Variants in COPG2 observed in about 807,000 individuals in gnomAD.
The protein encoded by COPG2 is coat protein complex I subunit gamma 2.
COPG2 carries 37 observed loss-of-function variants against 46.3 expected under a neutral mutation model. The ratio of observed to expected loss-of-function variants is 0.80; its 90% CI spans 0.61 to 1.05. The LOEUF (loss-of-function observed/expected upper bound fraction) is 1.05, where lower values mean the gene tolerates loss of function less well. Ranked by LOEUF, COPG2 falls within the 50% of genes least tolerant of loss-of-function variation. The pLI is 0.00. For synonymous variants in COPG2, 159 were observed against 129.7 expected (o/e 1.23, Z -1.53); for missense variants, 427 against 387.8 (o/e 1.10, Z -0.85).
chr7:130,660,337 A>G (rs1172288449), intron 4 of COPG2, among the ~76,000 whole-genome samples: 1 of 152,128 alleles, frequency 6.6e-6, no homozygotes, highest in Non-Finnish European at 1.5e-5. Context: ...GCGCCATTAT[A>G]TTCTCTGACA....
At chr7:130,559,439 A>G (rs1009066288) in intron 12 of COPG2, among the ~76,000 whole-genome samples, 110 of 152,132 alleles carry the variant, frequency 7.2e-4, no homozygotes, top group Non-Finnish European at 9.4e-4. Context: ...GCCCTCTAGT[A>G]CCCACAAACA....
At chr7:130,530,664 G>C (rs978261305) in intron 20 of COPG2, among the ~76,000 whole-genome samples, 2 of 152,114 alleles carry the variant, frequency 1.3e-5, no homozygotes, top group Non-Finnish European at 2.9e-5. Flanking sequence ...CCTGGCCAAG[G>C]AAGCAAGGAG....
At chr7:130,646,158 T>A (rs1226957187) in intron 5 of COPG2, among the ~76,000 whole-genome samples, 1 of 152,248 alleles carries the variant, frequency 6.6e-6, no homozygotes. Flanking sequence ...ATTAAATAGT[T>A]TGCTCAACTT....
chr7:130,653,753 G>A (rs1308092449), intron 4 of COPG2, among the ~76,000 whole-genome samples: 2 of 151,972 alleles, frequency 1.3e-5, no homozygotes, highest in East Asian at 3.8e-4. Flanking sequence ...TACATCAGAC[G>A]CAGCTCCAGA....
Position 130,523,157 on chromosome 7 carries a change from G to A in COPG2, c.2150-14498C>T, listed in dbSNP as rs1030921161. Among the ~76,000 whole-genome samples the A allele has an allele frequency of 5.0e-5, 7 of 141,158 alleles. No individual in the cohort carries two copies. In the East Asian group the frequency reaches 1.5e-3, roughly 30 times the overall value. The allele number at this position is 141,158 out of a possible 152,430, so 92.6% of individuals were successfully genotyped here. On this transcript the variant is annotated intron_variant, in intron 20 of 23. Transcript: ENST00000425248. ...AAAGAAGGCTCCAGGCCTCAAACGG[G>A]AGACTGAAGTGCAGGGAGTCCAGGT... is the stretch of plus-strand genomic sequence containing the variant.
chr7:130,618,319 T>C (rs1794984384), intron 5 of COPG2, among the ~76,000 whole-genome samples: 1 of 152,050 alleles, frequency 6.6e-6, no homozygotes, highest in Admixed American at 6.6e-5. Flanking sequence ...GGACTATGAA[T>C]TTTCCTCTGA....
intron 9 of COPG2, among the ~76,000 whole-genome samples, chr7:130,575,336 T>C (rs376347491): frequency 2.0e-5 from 3 of 152,152 alleles, no homozygotes; most frequent in Non-Finnish European, 4.4e-5. Flanking sequence ...GGAAAACTTA[T>C]CAGATTAACA....
chr7:130,529,372 C>G (rs1799803247), intron 20 of COPG2, among the ~76,000 whole-genome samples: 1 of 152,058 alleles, frequency 6.6e-6, no homozygotes, highest in Non-Finnish European at 1.5e-5. Flanking sequence ...ACAGAAACTG[C>G]TCTAAAGTCC....
rs1314596183 is a variant in COPG2, at chr7:130,513,303, AAAAAAATATATATATATAT to A, written c.2150-4663_2150-4645del. Among the ~76,000 whole-genome samples the A allele has an allele frequency of 8.6e-4, 40 of 46,734 alleles. 1 individual carries two copies. The highest frequency in any genetic ancestry group is 3.4e-3 in the African/African-American group (39 of 11,400). The allele number at this position is 46,734 out of a possible 152,430, so 30.7% of individuals were successfully genotyped here. A position where few individuals can be genotyped will look rare whatever the true frequency, so the allele number is the denominator to read the frequency against. On this transcript the variant is annotated intron_variant, in intron 20 of 23. Transcript: ENST00000425248. ...AATAATTCTGTCTAAAAAAAAAAAA[AAAAAAATATATATATATAT>A]ATATATATATATATATATATGTGTG...
chr7:130,576,427 G>T (rs894760715), intron 9 of COPG2, among the ~76,000 whole-genome samples: 1 of 152,082 alleles, frequency 6.6e-6, no homozygotes, highest in Non-Finnish European at 1.5e-5. Flanking sequence ...CTTCAAAACC[G>T]TGCAAATACA....
intron 9 of COPG2, among the ~76,000 whole-genome samples, chr7:130,567,012 G>A (rs1304329631): frequency 1.3e-5 from 2 of 152,150 alleles, no homozygotes; most frequent in Non-Finnish European, 2.9e-5. Flanking sequence ...AACAACAGTG[G>A]ACTGGATGAA....
At position 130,575,244 on chromosome 7, in the gene COPG2, C is replaced by G. The variant is rs566003880; in HGVS notation, c.738-10851G>C. On this transcript the variant is annotated intron_variant, in intron 9 of 23. Coordinates refer to ENST00000425248, the MANE Select transcript of COPG2 (RefSeq NM_012133.6). ...TTGCAAAAGGATCATCACTTAGGCA[C>G]ACTGTCATCAGGTTACCTAAAGTTA... Among the ~76,000 whole-genome samples the G allele has an allele frequency of 3.9e-5, 6 of 152,264 alleles. No individual in the cohort carries two copies. The South Asian group carries it at 1.0e-3, about 26-fold the overall frequency.
chr7:130,572,090 G>C (rs1344066285), intron 9 of COPG2, among the ~76,000 whole-genome samples: 2 of 152,002 alleles, frequency 1.3e-5, no homozygotes, highest in Admixed American at 6.6e-5. Flanking sequence ...GGGGACTTGG[G>C]GGGAAGAGAG....
chr7:130,620,401 A>G (rs1429697945), intron 5 of COPG2, among the ~76,000 whole-genome samples: 3 of 152,184 alleles, frequency 2.0e-5, no homozygotes, highest in Non-Finnish European at 4.4e-5. Flanking sequence ...GCTGTAACAT[A>G]AAAACAGCCA....
At chr7:130,528,000 G>A (rs1326371821) in intron 20 of COPG2, among the ~76,000 whole-genome samples, 1 of 152,058 alleles carries the variant, frequency 6.6e-6, no homozygotes, top group Non-Finnish European at 1.5e-5. Flanking sequence ...CTGTTGTCAC[G>A]GGGAGGAAAG....
intron 10 of COPG2, 25 bp downstream of exon 10, chr7:130,564,235 G>C: frequency 2.5e-6 from 1 of 398,488 alleles, no homozygotes; most frequent in Non-Finnish European, 4.4e-6. Context: ...GAACATAAAA[G>C]CCAGCCATCA....
chr7:130,525,006 G>C (rs1167753214), intron 20 of COPG2, among the ~76,000 whole-genome samples: 2 of 152,186 alleles, frequency 1.3e-5, no homozygotes, highest in African/African-American at 4.8e-5. Context: ...TGAAGACGAA[G>C]TGGAGGGTGT....
At position 130,663,464 on chromosome 7, in the gene COPG2, A is replaced by C. The variant is rs144739444; in HGVS notation, c.172-426T>G. On this transcript the variant is annotated intron_variant, in intron 3 of 23. Coordinates refer to ENST00000425248, the MANE Select transcript of COPG2 (RefSeq NM_012133.6). ...TGTCATGGGAGCATAATAAATATTAAAATATAAGGAACTATCTATTCAGAA... is the reference window on the plus strand; with the variant it reads ...TGTCATGGGAGCATAATAAATATTACAATATAAGGAACTATCTATTCAGAA... Among the ~76,000 whole-genome samples the C allele has an allele frequency of 1.9e-4, 29 of 152,280 alleles. No individual in the cohort carries two copies. In the East Asian group the frequency reaches 5.4e-3, roughly 28 times the overall value.
chr7:130,575,539 GACT>G (rs1276367180), intron 9 of COPG2, among the ~76,000 whole-genome samples: 1 of 151,940 alleles, frequency 6.6e-6, no homozygotes, highest in East Asian at 1.9e-4. Context: ...CCACCACAAG[GACT>G]ACTAAAAGGA....
Sources: allele counts gnomAD v4.1 joint callset (sites outside exome capture counted in the v4.1 genomes callset), GRCh38; gene constraint gnomAD v4.1.1; transcripts MANE v1.5; gene names NCBI Gene and HGNC (gene_info 2026-07-23, HGNC 2026-07-21).